Variants in ZNF717 observed in about 807,000 individuals in gnomAD.
ZNF717 encodes krueppel-like factor X17.
ZNF717 carries 9 observed loss-of-function variants against 13.8 expected under a neutral mutation model. That is an observed-to-expected ratio of 0.65 (90% confidence interval 0.39 to 1.14). The LOEUF (loss-of-function observed/expected upper bound fraction) is 1.14, where lower values mean the gene tolerates loss of function less well. ZNF717 is among the 50% of genes most tolerant of loss of function. The pLI is 0.01. For missense variants in ZNF717, 1,040 were observed against 1,080.7 expected (o/e 0.96, Z 0.53); for synonymous variants, 327 against 364.1 (o/e 0.90, Z 1.16).
chr3:75,715,880 A>C (rs74972061), intron 5 of ZNF717, among the ~76,000 whole-genome samples: 1 of 152,318 alleles, frequency 6.6e-6, no homozygotes, highest in East Asian at 1.9e-4. Flanking sequence ...GCAAGTTAAA[A>C]ATATGAGCCA....
intron 2 of ZNF717, among the ~76,000 whole-genome samples, chr3:75,773,308 T>C (rs188972380): frequency 3.4e-4 from 52 of 152,382 alleles, no homozygotes; most frequent in African/African-American, 1.2e-3. Flanking sequence ...TTCTGGCTAA[T>C]ACGTTAGGCC....
In ZNF717 at chr3:75,736,292, C is replaced by T. The variant is rs1342494250; in HGVS notation, c.*586G>A. Reference sequence around the variant, plus strand: ...TTCAATTGAAAAGAAGTGTGCACACCTGTCACTTCAAATCAAAAGGTAGAA... The same window carrying T: ...TTCAATTGAAAAGAAGTGTGCACACTTGTCACTTCAAATCAAAAGGTAGAA... On this transcript the variant is annotated 3_prime_UTR_variant, in exon 5 of 5. Transcript: ENST00000652011. 1.3e-5 allele frequency: 2 copies of T among 153,504 alleles called. No individual in the cohort carries two copies. The highest frequency in any genetic ancestry group is 2.9e-5 in the Non-Finnish European group (2 of 68,972). 9.5% of individuals were successfully genotyped at this position (153,504 alleles called of 1,614,324 possible).
chr3:75,756,799 C>T (rs1242823555), intron 2 of ZNF717, among the ~76,000 whole-genome samples: 2 of 152,186 alleles, frequency 1.3e-5, no homozygotes, highest in African/African-American at 2.4e-5. Flanking sequence ...CTCAGCCTCC[C>T]GAGTAGCTGG....
At chr3:75,720,422 G>C (rs1417295127) in intron 4 of ZNF717, among the ~76,000 whole-genome samples, 2 of 152,080 alleles carry the variant, frequency 1.3e-5, no homozygotes, top group African/African-American at 2.4e-5. Flanking sequence ...ACTTATAAGT[G>C]GGAATTAAGT....
intron 2 of ZNF717, among the ~76,000 whole-genome samples, chr3:75,746,270 T>C (rs1479707547): frequency 5.9e-5 from 9 of 152,212 alleles, no homozygotes; most frequent in African/African-American, 2.2e-4. Context: ...ATCCAGTCTA[T>C]CATTGTTGGA....
At chr3:75,734,817 A>T (rs2918513), downstream of ZNF717, among the ~76,000 whole-genome samples, 6,432 of 56,678 alleles carry the variant, frequency 0.11, 179 homozygotes, top group Non-Finnish European at 0.15. Context: ...ATATATATAT[A>T]TTTTTTTTTT....
At chr3:75,778,725 T>G (rs4974328) in intron 2 of ZNF717, among the ~76,000 whole-genome samples, 49,164 of 113,490 alleles carry the variant, frequency 0.43, 9,519 homozygotes, top group Non-Finnish European at 0.51. Flanking sequence ...CAAAACAATG[T>G]GAGTGATGTG....
chr3:75,734,222 C>T (rs1347155787), downstream of ZNF717, among the ~76,000 whole-genome samples: 5 of 152,078 alleles, frequency 3.3e-5, no homozygotes, highest in Non-Finnish European at 7.4e-5. Flanking sequence ...GAGCCCTCCA[C>T]CACGCCTGGC....
intron 6 of ZNF717, among the ~76,000 whole-genome samples, chr3:75,699,281 G>C (rs1352388814): frequency 2.0e-5 from 3 of 152,398 alleles, no homozygotes; most frequent in Non-Finnish European, 1.5e-5. Flanking sequence ...AGACTTTGGG[G>C]ATTATTGGAA....
chr3:75,709,006 TC>T (rs1559568441), downstream of ZNF717, among the ~76,000 whole-genome samples: 1 of 61,630 alleles, frequency 1.6e-5, no homozygotes, highest in Non-Finnish European at 3.3e-5. Flanking sequence ...CTTTTTCTTT[TC>T]TTTTTTTTTT....
chr3:75,753,488 G>A (rs1251100772), intron 2 of ZNF717, among the ~76,000 whole-genome samples: 5 of 125,134 alleles, frequency 4.0e-5, no homozygotes, highest in Non-Finnish European at 8.6e-5. Flanking sequence ...CTGCTGCTAG[G>A]GTCTGAATAT....
At chr3:75,709,746 G>C (rs1205278005) in exon 6 of ZNF717, 1 of 152,094 alleles carries the variant, frequency 6.6e-6, no homozygotes, top group Admixed American at 6.6e-5. Flanking sequence ...GCCTTCCCCA[G>C]CTCGAGCTGT....
At chr3:75,723,061 T>C (rs1253330817) in intron 4 of ZNF717, among the ~76,000 whole-genome samples, 2 of 152,284 alleles carry the variant, frequency 1.3e-5, no homozygotes, top group African/African-American at 2.4e-5. Context: ...GTTCCAAATA[T>C]TGATACACTT....
At chr3:75,747,139 T>C (rs1941256413) in intron 2 of ZNF717, among the ~76,000 whole-genome samples, 1 of 151,466 alleles carries the variant, frequency 6.6e-6, no homozygotes, top group Non-Finnish European at 1.5e-5. Flanking sequence ...CCCATTTCTT[T>C]TGTCAGGTAT....
At chr3:75,749,429 C>T (rs1455171094) in intron 2 of ZNF717, among the ~76,000 whole-genome samples, 6 of 151,922 alleles carry the variant, frequency 3.9e-5, no homozygotes, top group African/African-American at 1.5e-4. Context: ...AACAACACTC[C>T]TGCTGTGGTC....
At chr3:75,741,589 T>A (rs1940446196) in intron 3 of ZNF717, 21 bp downstream of exon 3, 12 of 1,589,294 alleles carry the variant, frequency 7.6e-6, no homozygotes, top group Non-Finnish European at 9.4e-6. Context: ...ATCCTGGGAG[T>A]TACTGGCAAG....
At chr3:75,730,627 A>G (rs1381273113) in intron 5 of ZNF717, 14 of 702,230 alleles carry the variant, frequency 2.0e-5, no homozygotes, top group South Asian at 3.0e-5. Flanking sequence ...ACCTGGAGAT[A>G]AAAGATTTTG....
Position 75,737,192 on chromosome 3 carries a change from C to T in ZNF717, c.2431G>A (p.Glu811Lys), listed in dbSNP as rs1296824770. Residue 811 changes from glutamate (E) to lysine (K), a missense_variant, in exon 5 of 5, where the codon GAG becomes AAG. Physicochemically the swap from Glu to Lys is moderately conservative, Grantham distance 56. This residue lies in a region of ZNF717 where 873 missense variants were observed against 832.8 expected (regional missense o/e 1.05). Coordinates refer to ENST00000652011, the MANE Select transcript of ZNF717 (RefSeq NM_001290208.3). ...CATTCTTTACATTCAAATGGCTTCT[C>T]ACCTGTGTGAGTTCTCTGATGTATG... is the stretch of plus-strand genomic sequence containing the variant. ...LTIHQRTHTGEKPFECKECRK... is the reference protein window; with the variant it reads ...LTIHQRTHTGKKPFECKECRK... The T allele has an allele frequency of 6.4e-7, 1 of 1,555,696 alleles. No individual in the cohort carries two copies. Among genetic ancestry groups the T allele is most frequent in the Non-Finnish European group, 8.7e-7 (1 of 1,149,612 alleles).
downstream of ZNF717, among the ~76,000 whole-genome samples, chr3:75,708,620 T>C (rs1937854424): frequency 6.6e-6 from 1 of 152,178 alleles, no homozygotes; most frequent in Non-Finnish European, 1.5e-5. Context: ...GGACGGAGAA[T>C]GACTTTGACG....
Sources: gnomAD v4.1 joint callset for allele counts (sites outside exome capture counted in the v4.1 genomes callset) on GRCh38, gnomAD v4.1.1 for gene constraint, gnomAD v4.1.1 regional missense constraint, MANE v1.5 for transcripts, NCBI Gene and HGNC (gene_info 2026-07-23, HGNC 2026-07-21) for gene names.